The following SNTG2 variants were observed in gnomAD, a reference collection of about 807,000 sequenced individuals.
SNTG2 encodes the protein gamma-2-syntrophin.
A neutral mutation model predicts 70.9 loss-of-function variants in SNTG2; 74 were observed. That is an observed-to-expected ratio of 1.04 (90% CI 0.86 to 1.27). The LOEUF (loss-of-function observed/expected upper bound fraction) is 1.27. SNTG2 is among the 50% of genes most tolerant of loss of function. The pLI is 0.00. For missense variants in SNTG2, 717 were observed against 690.7 expected (o/e 1.04, Z -0.43); for synonymous variants, 278 against 273.8 (o/e 1.02, Z -0.15).
intron 16 of SNTG2, among the ~76,000 whole-genome samples, chr2:1,355,832 C>T (rs938288422): frequency 2.0e-5 from 3 of 152,152 alleles, no homozygotes; most frequent in South Asian, 2.1e-4. Flanking sequence ...TTCTCCACAC[C>T]GTTGTCAACA....
intron 4 of SNTG2, among the ~76,000 whole-genome samples, chr2:1,132,244 TATAC>T (rs1369896372): frequency 7.9e-5 from 12 of 151,068 alleles, no homozygotes; most frequent in East Asian, 2.0e-4. Flanking sequence ...TGTGTATATA[TATAC>T]ACACACACAC....
chr2:1,158,046 AGGTGGG>A (rs1297380702), intron 6 of SNTG2, among the ~76,000 whole-genome samples: 5 of 152,198 alleles, frequency 3.3e-5, no homozygotes, highest in African/African-American at 9.7e-5. Flanking sequence ...GCACACACTC[AGGTGGG>A]GGCTCATGGT....
chr2:1,041,847 C>T (rs2148058644), intron 1 of SNTG2, among the ~76,000 whole-genome samples: 1 of 152,304 alleles, frequency 6.6e-6, no homozygotes, highest in South Asian at 2.1e-4. Flanking sequence ...CACTAGCCGT[C>T]AGCAATACCT....
chr2:1,114,031 C>T (rs1240218181), intron 4 of SNTG2, among the ~76,000 whole-genome samples: 3 of 149,660 alleles, frequency 2.0e-5, no homozygotes, highest in Admixed American at 6.6e-5. Context: ...TGAGGAGGAT[C>T]GTGTGTACTA....
intron 4 of SNTG2, among the ~76,000 whole-genome samples, chr2:1,132,258 CACACATACAT>C (rs1186366856): frequency 1.3e-5 from 2 of 151,688 alleles, no homozygotes. Flanking sequence ...CACACACACA[CACACATACAT>C]ACACACATAC....
At chr2:1,187,262 A>G (rs1672305886) in intron 8 of SNTG2, among the ~76,000 whole-genome samples, 1 of 152,236 alleles carries the variant, frequency 6.6e-6, no homozygotes, top group Non-Finnish European at 1.5e-5. Context: ...TGGTACCCAG[A>G]TAGGTGGTCA....
At chr2:1,228,301 A>G (rs1233967833) in intron 9 of SNTG2, among the ~76,000 whole-genome samples, 1 of 152,214 alleles carries the variant, frequency 6.6e-6, no homozygotes, top group Admixed American at 6.5e-5. Context: ...GGATCAGAGA[A>G]CATGGACTGC....
intron 16 of SNTG2, among the ~76,000 whole-genome samples, chr2:1,337,357 A>C (rs1659868164): frequency 6.6e-6 from 1 of 152,174 alleles, no homozygotes; most frequent in Non-Finnish European, 1.5e-5. Context: ...ATCCTCAACA[A>C]CACTTCCTAG....
intron 14 of SNTG2, 151 bp from the exon 15 acceptor site, chr2:1,308,343 G>A (rs1240555983): frequency 1.5e-6 from 1 of 671,178 alleles, no homozygotes; most frequent in Non-Finnish European, 2.5e-6. Context: ...GGTCTCCCGG[G>A]ACCCTGCATC....
intron 1 of SNTG2, among the ~76,000 whole-genome samples, chr2:1,029,661 C>T (rs913048161): frequency 6.6e-6 from 1 of 152,210 alleles, no homozygotes; most frequent in Non-Finnish European, 1.5e-5. Flanking sequence ...CTCATTCCTT[C>T]CAGACTTAAG....
In SNTG2 at chr2:1,162,037, G is replaced by A. The variant is rs184460918; in HGVS notation, c.412-3511G>A. ...TGCAGTGGGCCCAGATGGCGCCACTGCACTCCAGCCTGGGCGACAGTGAGA... is the reference window on the plus strand; with the variant it reads ...TGCAGTGGGCCCAGATGGCGCCACTACACTCCAGCCTGGGCGACAGTGAGA... On this transcript the variant is annotated intron_variant, in intron 6 of 16. Transcript: ENST00000308624. Among the ~76,000 whole-genome samples, 996 of 124,026 alleles carry A rather than the reference G, an allele frequency of 8.0e-3. 12 individuals carry two copies. The highest frequency in any genetic ancestry group is 0.017 in the Admixed American group (149 of 8,966). 81.4% of individuals were successfully genotyped at this position (124,026 alleles called of 152,430 possible).
chr2:1,024,226 A>G (rs748274847), intron 1 of SNTG2, among the ~76,000 whole-genome samples: 1 of 152,216 alleles, frequency 6.6e-6, no homozygotes, highest in Non-Finnish European at 1.5e-5. Context: ...TCGTAATACT[A>G]AAAGTGAGGG....
intron 4 of SNTG2, chr2:1,102,602 G>A (rs1000823322): frequency 6.6e-6 from 1 of 152,338 alleles, no homozygotes; most frequent in East Asian, 1.9e-4. Context: ...GGGTTGTTGA[G>A]TGAATGTCAG....
intron 1 of SNTG2, among the ~76,000 whole-genome samples, chr2:1,011,501 T>G (rs79759525): frequency 6.6e-6 from 1 of 152,128 alleles, no homozygotes; most frequent in African/African-American, 2.4e-5. Flanking sequence ...TGATTCAGAT[T>G]TTTAAATCAT....
At chr2:1,113,106 T>C (rs1356249738) in intron 4 of SNTG2, among the ~76,000 whole-genome samples, 2 of 149,266 alleles carry the variant, frequency 1.3e-5, no homozygotes, top group South Asian at 2.2e-4. Flanking sequence ...TTGAGAAGGA[T>C]CGTGTGTACT....
chr2:969,313 G>A (rs553119132), intron 1 of SNTG2, among the ~76,000 whole-genome samples: 1 of 152,218 alleles, frequency 6.6e-6, no homozygotes, highest in East Asian at 1.9e-4. Context: ...CTCCAGCTTT[G>A]TTCCTTTTGC....
chr2:1,238,890 A>G (rs1207940875), intron 10 of SNTG2, among the ~76,000 whole-genome samples: 8 of 151,938 alleles, frequency 5.3e-5, no homozygotes, highest in African/African-American at 1.9e-4. Context: ...CCTGCCCACC[A>G]CCTCACGTCT....
intron 2 of SNTG2, among the ~76,000 whole-genome samples, chr2:1,094,389 A>C (rs866627341): frequency 4.3e-5 from 2 of 46,200 alleles, no homozygotes; most frequent in African/African-American, 1.2e-4. Flanking sequence ...GGCTTCCTGG[A>C]CTGCAGGCGA....
chr2:1,236,453 A>C (rs1676666022), intron 9 of SNTG2, among the ~76,000 whole-genome samples: 1 of 152,232 alleles, frequency 6.6e-6, no homozygotes, highest in Non-Finnish European at 1.5e-5. Flanking sequence ...CTCCCCATGC[A>C]GGGGACCTGC....
Sources: gnomAD v4.1 joint callset for allele counts (sites outside exome capture counted in the v4.1 genomes callset) on GRCh38, gnomAD v4.1.1 for gene constraint, MANE v1.5 for transcripts, NCBI Gene and HGNC (gene_info 2026-07-23, HGNC 2026-07-21) for gene names.